The following CSRNP3 variants were observed in gnomAD, a reference collection of about 807,000 sequenced individuals.
CSRNP3 encodes the protein cysteine/serine-rich nuclear protein 3.
CSRNP3 carries 12 observed loss-of-function variants against 48.0 expected under a neutral mutation model. The observed-to-expected ratio is 0.25, with a 90% CI of 0.16 to 0.41. The LOEUF is 0.41. Ranked by LOEUF, CSRNP3 falls within the 10% of genes least tolerant of loss-of-function variation. CSRNP3 has a pLI of 1.00. For missense variants in CSRNP3, 580 were observed against 724.4 expected (o/e 0.80, Z 2.29); for synonymous variants, 263 against 269.7 (o/e 0.98, Z 0.24).
chr2:165,662,127 G>GAAACAAAATAAAGATGTTATTTTGA (rs759886055), intron 5 of CSRNP3, among the ~76,000 whole-genome samples: 57,971 of 130,250 alleles, frequency 0.45, 15,460 homozygotes, highest in East Asian at 0.52. Flanking sequence ...TGTTATTTTG[G>GAAACAAAATAAAGATGTTATTTTGA]AAACAAAATA....
At chr2:165,626,596 G>A (rs1686440069) in intron 4 of CSRNP3, among the ~76,000 whole-genome samples, 1 of 152,136 alleles carries the variant, frequency 6.6e-6, no homozygotes, top group African/African-American at 2.4e-5. Context: ...TTGCTTCATT[G>A]CTATAACATG....
intron 3 of CSRNP3, among the ~76,000 whole-genome samples, chr2:165,565,019 C>T (rs775182213): frequency 2.6e-5 from 4 of 151,952 alleles, no homozygotes; most frequent in Non-Finnish European, 5.9e-5. Context: ...CTGTGAGTGA[C>T]TGGGAAACAG....
intron 3 of CSRNP3, among the ~76,000 whole-genome samples, chr2:165,579,427 A>G (rs1242254649): frequency 2.0e-5 from 3 of 152,116 alleles, no homozygotes; most frequent in Non-Finnish European, 4.4e-5. Flanking sequence ...TATATCCTTT[A>G]AGGCTTTTCA....
intron 3 of CSRNP3, among the ~76,000 whole-genome samples, chr2:165,551,262 C>T (rs1685092481): frequency 1.3e-5 from 2 of 152,166 alleles, no homozygotes; most frequent in South Asian, 4.1e-4. Flanking sequence ...CCAATATGAG[C>T]TCTATAAAAC....
At chr2:165,508,276 C>T (rs1161822840) in intron 2 of CSRNP3, among the ~76,000 whole-genome samples, 1 of 151,912 alleles carries the variant, frequency 6.6e-6, no homozygotes, top group African/African-American at 2.4e-5. Context: ...TTAAGTAACC[C>T]TGCAATTAAT....
At position 165,562,134 on chromosome 2, in the gene CSRNP3, A is replaced by G. The variant is rs139623478; in HGVS notation, c.-23-32909A>G. ...ATTAGAAAAGCCCGAACACCCCCTG[A>G]TGTACAAGTGTCCCTATTTTAAAAG... On this transcript the variant is annotated intron_variant, in intron 3 of 6. Transcript: ENST00000651982. Among the ~76,000 whole-genome samples the G allele has an allele frequency of 2.9e-3, 445 of 152,246 alleles. 1 individual carries two copies. The highest frequency in any genetic ancestry group is 0.01 in the African/African-American group (420 of 41,554).
At chr2:165,671,311 T>C (rs1442661485) in intron 5 of CSRNP3, among the ~76,000 whole-genome samples, 1 of 152,140 alleles carries the variant, frequency 6.6e-6, no homozygotes, top group Non-Finnish European at 1.5e-5. Flanking sequence ...ATGGACAAAA[T>C]GAATACCACT....
At chr2:165,611,817 T>C (rs1255022207) in intron 4 of CSRNP3, among the ~76,000 whole-genome samples, 2 of 152,154 alleles carry the variant, frequency 1.3e-5, no homozygotes, top group Non-Finnish European at 2.9e-5. Context: ...ACTCTTAATA[T>C]AATGCCTGTC....
chr2:165,531,236 T>G (rs1476469204), intron 3 of CSRNP3, among the ~76,000 whole-genome samples: 2 of 152,188 alleles, frequency 1.3e-5, no homozygotes, highest in Non-Finnish European at 2.9e-5. Context: ...GGACCTTGGT[T>G]TCAGAGTCTA....
intron 2 of CSRNP3, among the ~76,000 whole-genome samples, chr2:165,516,069 G>T (rs1336489932): frequency 1.3e-5 from 2 of 152,028 alleles, no homozygotes; most frequent in African/African-American, 4.8e-5. Context: ...CCCTCCCAAA[G>T]TGCGGGGGTT....
intron 3 of CSRNP3, among the ~76,000 whole-genome samples, chr2:165,527,381 A>G (rs1684746427): frequency 6.6e-6 from 1 of 151,100 alleles, no homozygotes. Context: ...AATTTTTTGT[A>G]TTTTTAGTAG....
rs965803844 is a variant in CSRNP3 at position 165,590,558 on chromosome 2, G to A, written c.-23-4485G>A. Among the ~76,000 whole-genome samples, 4 of 152,318 alleles carry A rather than the reference G, an allele frequency of 2.6e-5. No homozygotes were observed. In the East Asian group the frequency reaches 5.8e-4, roughly 22 times the overall value. On this transcript the variant is annotated intron_variant, in intron 3 of 6. Transcript: ENST00000651982. ...TGTTCCCACCCAAATCTCATCTTGAGTTGTAGTTCCCATAATCCCCACATG... is the reference window on the plus strand; with the variant it reads ...TGTTCCCACCCAAATCTCATCTTGAATTGTAGTTCCCATAATCCCCACATG...
At chr2:165,658,159 A>G (rs761846158) in intron 5 of CSRNP3, 139 bp downstream of exon 5, 20 of 923,026 alleles carry the variant, frequency 2.2e-5, no homozygotes, top group Non-Finnish European at 3.1e-5. Context: ...TTTTAAAGCA[A>G]AACGATATAG....
Position 165,521,586 on chromosome 2 carries a change from G to A in CSRNP3, c.-24+3625G>A, listed in dbSNP as rs1427684422. ...ATTACCTGGTATGCCCATGCTCTAG[G>A]TGGCTCTTTCTTCTCTGACCCTGTC... On this transcript the variant is annotated intron_variant, in intron 3 of 6. Transcript: ENST00000651982. 5.3e-5 allele frequency among the ~76,000 whole-genome samples: 8 copies of A among 152,176 alleles called. No individual in the cohort carries two copies. The South Asian group carries it at 1.5e-3, about 28-fold the overall frequency.
intron 5 of CSRNP3, among the ~76,000 whole-genome samples, chr2:165,674,776 A>C (rs530724374): frequency 6.7e-6 from 1 of 148,470 alleles, no homozygotes. Context: ...CAGTGGTGCA[A>C]TCATGGCTCA....
intron 4 of CSRNP3, among the ~76,000 whole-genome samples, chr2:165,623,452 C>A (rs1200844656): frequency 6.6e-6 from 1 of 152,162 alleles, no homozygotes; most frequent in South Asian, 2.1e-4. Context: ...CCATCCCTCC[C>A]CAGTCCGTGG....
At chr2:165,577,164 T>G (rs150763735) in intron 3 of CSRNP3, among the ~76,000 whole-genome samples, 1 of 151,642 alleles carries the variant, frequency 6.6e-6, no homozygotes, top group Non-Finnish European at 1.5e-5. Context: ...AAAACAAAAC[T>G]AAATTACTGA....
intron 3 of CSRNP3, among the ~76,000 whole-genome samples, chr2:165,571,664 TA>T (rs1685375737): frequency 6.6e-6 from 1 of 151,990 alleles, no homozygotes; most frequent in Non-Finnish European, 1.5e-5. Context: ...TAAAAATTAA[TA>T]AAAACCATAT....
intron 2 of CSRNP3, among the ~76,000 whole-genome samples, chr2:165,497,260 T>C (rs188167786): frequency 1.3e-5 from 2 of 152,118 alleles, no homozygotes; most frequent in Admixed American, 6.6e-5. Flanking sequence ...GTTGATGAGT[T>C]TTTTTCCCCC....
Sources: gnomAD v4.1 joint callset for allele counts (sites outside exome capture counted in the v4.1 genomes callset) on GRCh38, gnomAD v4.1.1 for gene constraint, MANE v1.5 for transcripts, NCBI Gene and HGNC (gene_info 2026-07-23, HGNC 2026-07-21) for gene names.